Variants in SS18 observed in about 807,000 individuals in gnomAD.
SS18 encodes protein SSXT.
SS18 carries 28 observed loss-of-function variants against 72.5 expected under a neutral mutation model. The ratio of observed to expected loss-of-function variants is 0.39; its 90% confidence interval spans 0.29 to 0.53. The LOEUF (loss-of-function observed/expected upper bound fraction) is 0.53. Among genes scored for constraint, SS18 ranks in the 20% least tolerant of loss-of-function variants. The probability of loss-of-function intolerance (pLI) is 0.76; values close to 1 mark genes in which losing one functional copy is unlikely to be tolerated. For synonymous variants in SS18, 172 were observed against 164.2 expected (o/e 1.05, Z -0.37); for missense variants, 518 against 535.3 (o/e 0.97, Z 0.32).
At chr18:26,025,777 A>G (rs971202717) in intron 10 of SS18, among the ~76,000 whole-genome samples, 2 of 152,062 alleles carry the variant, frequency 1.3e-5, no homozygotes, top group Admixed American at 6.6e-5. Context: ...AATAATGCCA[A>G]TTTTCTGAAG....
chr18:26,087,752 A>G (rs181627269), intron 1 of SS18, among the ~76,000 whole-genome samples, 175 bp from the exon 2 acceptor site: 15 of 152,348 alleles, frequency 9.8e-5, no homozygotes, highest in African/African-American at 3.4e-4. Flanking sequence ...TAAATCATTA[A>G]GCAAACATGG....
rs2053603226 is a variant in SS18 at position 26,035,004 on chromosome 18, C to T, written c.1096+1G>A. 6.2e-7 allele frequency: 1 copy of T among 1,612,898 alleles called. No individual in the cohort carries two copies. Among genetic ancestry groups the T allele is most frequent in the Non-Finnish European group, 8.5e-7 (1 of 1,179,252 alleles). ...TAAAAATACACTGTACAAAGCTTTA[C>T]CGTAGCCCTGCTGCTGTCCTGGGTA... On this transcript the variant is annotated splice_donor_variant, in intron 9 of 10. Transcript: ENST00000415083. LOFTEE classifies it high-confidence loss of function. The surrounding 1 kb of genome is among the most constrained non-coding windows in gnomAD (Gnocchi z 4.4).
intron 3 of SS18, among the ~76,000 whole-genome samples, chr18:26,076,541 G>A (rs565938345): frequency 6.6e-6 from 1 of 151,936 alleles, no homozygotes; most frequent in Non-Finnish European, 1.5e-5. Flanking sequence ...GATGACAACT[G>A]CCACATGAAG....
In SS18 at chr18:26,017,224, C is replaced by T. The variant is rs1351062842; in HGVS notation, c.*1130G>A. On this transcript the variant is annotated 3_prime_UTR_variant, in exon 11 of 11. Coordinates refer to ENST00000415083, the MANE Select transcript of SS18 (RefSeq NM_001007559.3). ...ATAAACCTCATCAATAAGCATTTTC[C>T]TAAATATCTCTTTGTGTTATATCAA... 5.0e-6 allele frequency: 1 copy of T among 199,382 alleles called. No homozygotes were observed. The highest frequency in any genetic ancestry group is 2.3e-5 in the African/African-American group (1 of 43,410). The allele number at this position is 199,382 out of a possible 1,614,324, so 12.4% of individuals were successfully genotyped here.
At chr18:26,032,029 T>A (rs1183444375) in intron 10 of SS18, among the ~76,000 whole-genome samples, 1 of 152,142 alleles carries the variant, frequency 6.6e-6, no homozygotes, top group Non-Finnish European at 1.5e-5. Context: ...AATGAATTTA[T>A]TAACGTTGAA....
chr18:26,035,452 A>G lies in SS18; in HGVS notation c.974-325T>C, dbSNP rs1252345385. The G allele has an allele frequency of 1.3e-5, 4 of 317,122 alleles. No individual in the cohort carries two copies. The East Asian group carries it at 2.4e-4, about 19-fold the overall frequency. The allele number at this position is 317,122 out of a possible 1,614,324, so 19.6% of individuals were successfully genotyped here. On this transcript the variant is annotated intron_variant, in intron 8 of 10. Coordinates refer to ENST00000415083, the MANE Select transcript of SS18 (RefSeq NM_001007559.3). The surrounding 1 kb of genome is among the most constrained non-coding windows in gnomAD (Gnocchi z 4.4). The stretch of plus-strand genomic sequence containing the variant: ...AGACAAAATTAAAGACAGCTACAAG[A>G]GCACACACTAGCTACACGAGATCAG...
intron 9 of SS18, among the ~76,000 whole-genome samples, chr18:26,033,714 T>G (rs1219940364): frequency 1.3e-5 from 2 of 152,062 alleles, no homozygotes; most frequent in Non-Finnish European, 2.9e-5. Flanking sequence ...AAATAAAGTT[T>G]TTTTTGGACA....
intron 9 of SS18, among the ~76,000 whole-genome samples, chr18:26,032,786 T>TA (rs1473473625): frequency 6.6e-6 from 1 of 152,034 alleles, no homozygotes; most frequent in Non-Finnish European, 1.5e-5. Flanking sequence ...TCAAAATGGG[T>TA]AAAAAAGACT....
Position 26,035,635 on chromosome 18 carries a change from T to C in SS18, c.973+196A>G, listed in dbSNP as rs909223737. 2 of 405,494 alleles carry C rather than the reference T, an allele frequency of 4.9e-6. No individual in the cohort carries two copies. Among genetic ancestry groups the C allele is most frequent in the African/African-American group, 4.1e-5 (2 of 48,642 alleles). 25.1% of individuals were successfully genotyped at this position (405,494 alleles called of 1,614,324 possible). A position where few individuals can be genotyped will look rare whatever the true frequency, so the allele number is the denominator to read the frequency against. The stretch of plus-strand genomic sequence containing the variant: ...TTAGTCTTTTTATTATTGTTAGAAA[T>C]GGCAAGTCATGGTTATACATTTTAA... On this transcript the variant is annotated intron_variant, in intron 8 of 10. Transcript: ENST00000415083. The surrounding 1 kb of genome is among the most constrained non-coding windows in gnomAD (Gnocchi z 4.4).
intron 3 of SS18, among the ~76,000 whole-genome samples, chr18:26,062,228 T>C (rs1254634490): frequency 6.6e-6 from 1 of 151,886 alleles, no homozygotes; most frequent in East Asian, 1.9e-4. Flanking sequence ...ACCACTACAC[T>C]CCACCCTGGG....
At chr18:26,040,137 C>T (rs1345453276) in intron 5 of SS18, among the ~76,000 whole-genome samples, 1 of 152,132 alleles carries the variant, frequency 6.6e-6, no homozygotes, top group African/African-American at 2.4e-5. Context: ...ACTCTCACAC[C>T]TCTAAAAACA....
In SS18 at chr18:26,035,509, T is replaced by A; in HGVS notation, c.973+322A>T. ...GTTTCCTAAAGGCACTATACTTATA[T>A]GTAAAATTATACATATGTAAACACA... On this transcript the variant is annotated intron_variant, in intron 8 of 10. Transcript: ENST00000415083. The surrounding 1 kb of genome is among the most constrained non-coding windows in gnomAD (Gnocchi z 4.4). The A allele has an allele frequency of 3.5e-6, 1 of 287,136 alleles. No homozygotes were observed. The highest frequency in any genetic ancestry group is 6.5e-6 in the Non-Finnish European group (1 of 153,706). 17.8% of individuals were successfully genotyped at this position (287,136 alleles called of 1,614,324 possible).
chr18:26,037,752 C>T (rs2053649675), intron 7 of SS18, among the ~76,000 whole-genome samples: 1 of 152,058 alleles, frequency 6.6e-6, no homozygotes, highest in African/African-American at 2.4e-5. Flanking sequence ...ACCCTAACAA[C>T]CCACATCATT....
chr18:26,029,274 G>C (rs539233363), intron 10 of SS18, among the ~76,000 whole-genome samples: 74 of 152,318 alleles, frequency 4.9e-4, no homozygotes, highest in African/African-American at 1.7e-3. Context: ...ATATGGCCTT[G>C]TAGGCCAGTA....
At chr18:26,079,941 CTTT>C (rs200055950) in intron 2 of SS18, among the ~76,000 whole-genome samples, 26 of 144,366 alleles carry the variant, frequency 1.8e-4, no homozygotes, top group Non-Finnish European at 3.5e-4. Flanking sequence ...GGTTTCACAG[CTTT>C]TTTTTTTTTA....
At chr18:26,084,567 T>G (rs1048785201) in intron 2 of SS18, among the ~76,000 whole-genome samples, 3 of 152,116 alleles carry the variant, frequency 2.0e-5, no homozygotes, top group African/African-American at 7.2e-5. Context: ...AACTAAGTCA[T>G]CAAAGTTATC....
intron 5 of SS18, among the ~76,000 whole-genome samples, chr18:26,041,396 C>A (rs2053720599): frequency 6.6e-6 from 1 of 152,140 alleles, no homozygotes; most frequent in East Asian, 1.9e-4. Flanking sequence ...TGCACCCCAG[C>A]CTGGGCGACA....
At chr18:26,083,480 ACT>A (rs1350615378) in intron 2 of SS18, among the ~76,000 whole-genome samples, 1 of 152,192 alleles carries the variant, frequency 6.6e-6, no homozygotes, top group Non-Finnish European at 1.5e-5. Flanking sequence ...CATCAAGAGT[ACT>A]CACACAAACC....
intron 4 of SS18, 139 bp from the exon 5 acceptor site, chr18:26,052,984 T>G (rs755292056): frequency 1.5e-6 from 1 of 684,674 alleles, no homozygotes; most frequent in Non-Finnish European, 2.4e-6. Context: ...AAATGGTTTA[T>G]AGGAAAAGAC....
Sources: allele counts gnomAD v4.1 joint callset (sites outside exome capture counted in the v4.1 genomes callset), GRCh38; gene constraint gnomAD v4.1.1; non-coding constraint Gnocchi (gnomAD v3.1); transcripts MANE v1.5; gene names NCBI Gene and HGNC (gene_info 2026-07-23, HGNC 2026-07-21).